Variants in NCAM1 observed in about 807,000 individuals in gnomAD.
NCAM1 encodes antigen recognized by monoclonal antibody 5.1H11.
In NCAM1, 14 loss-of-function variants were observed where a neutral mutation model predicts 109.8. The observed-to-expected ratio is 0.13, with a 90% CI of 0.08 to 0.20. The LOEUF (loss-of-function observed/expected upper bound fraction) is 0.20. NCAM1 is among the 10% of genes least tolerant of loss of function. The probability of loss-of-function intolerance (pLI) is 1.00; values close to 1 mark genes in which losing one functional copy is unlikely to be tolerated. For synonymous variants in NCAM1, 418 were observed against 442.9 expected, an observed-to-expected ratio of 0.94 and a Z score of 0.70; for missense variants, 774 against 1,109.9, an observed-to-expected ratio of 0.70 and a Z score of 4.30.
chr11:113,176,219 A>G (rs978610938), intron 1 of NCAM1, among the ~76,000 whole-genome samples: 7 of 152,184 alleles, frequency 4.6e-5, no homozygotes, highest in Non-Finnish European at 8.8e-5. Context: ...CCCCTGATCT[A>G]TGCCAGGAAT....
intron 1 of NCAM1, among the ~76,000 whole-genome samples, chr11:113,009,312 G>GTTTTTTTGTTGTTGTTTTTTTT (rs1555073910): frequency 5.0e-5 from 4 of 79,656 alleles, no homozygotes; most frequent in South Asian, 5.9e-4. Context: ...GTTTTTTCGG[G>GTTTTTTTGTTGTTGTTTTTTTT]TTTTTTTTTT....
chr11:113,149,587 A>C (rs1348643858), intron 1 of NCAM1, among the ~76,000 whole-genome samples: 5 of 152,214 alleles, frequency 3.3e-5, no homozygotes, highest in African/African-American at 1.2e-4. Context: ...CAAGATCTCC[A>C]CAATTTCTAT....
At chr11:113,214,772 G>A (rs1944482221) in intron 8 of NCAM1, among the ~76,000 whole-genome samples, 1 of 152,178 alleles carries the variant, frequency 6.6e-6, no homozygotes, top group Non-Finnish European at 1.5e-5. Context: ...TTCTGGGGAG[G>A]AGGCAATGGT....
At chr11:113,257,008 A>G (rs1218638527) in intron 16 of NCAM1, among the ~76,000 whole-genome samples, 1 of 152,228 alleles carries the variant, frequency 6.6e-6, no homozygotes, top group African/African-American at 2.4e-5. Context: ...TCTTCTGGCA[A>G]GTCAGTTCAG....
chr11:113,067,597 G>A (rs1938028352), intron 1 of NCAM1, among the ~76,000 whole-genome samples: 1 of 152,192 alleles, frequency 6.6e-6, no homozygotes, highest in Non-Finnish European at 1.5e-5. Flanking sequence ...CCTGGCATTT[G>A]AGATTGTGAT....
intron 1 of NCAM1, among the ~76,000 whole-genome samples, chr11:113,185,950 C>A (rs17115088): frequency 0.064 from 9,761 of 152,286 alleles, 643 homozygotes; most frequent in African/African-American, 0.16. Context: ...AACCAGATAA[C>A]CTGCCCCTGG....
At chr11:113,095,212 T>C (rs527787820) in intron 1 of NCAM1, among the ~76,000 whole-genome samples, 1 of 152,296 alleles carries the variant, frequency 6.6e-6, no homozygotes, top group East Asian at 1.9e-4. Context: ...TAAGTACTCA[T>C]GAGGGATTTG....
At chr11:113,159,512 T>C (rs1942527173) in intron 1 of NCAM1, among the ~76,000 whole-genome samples, 1 of 152,190 alleles carries the variant, frequency 6.6e-6, no homozygotes, top group Non-Finnish European at 1.5e-5. Flanking sequence ...TGAAACTTAC[T>C]AGATATTGTG....
intron 1 of NCAM1, among the ~76,000 whole-genome samples, chr11:113,051,247 A>G (rs1335961607): frequency 6.6e-6 from 1 of 152,234 alleles, no homozygotes; most frequent in Non-Finnish European, 1.5e-5. Flanking sequence ...TAAGTTTGTA[A>G]TGCACTTAAG....
intron 1 of NCAM1, among the ~76,000 whole-genome samples, chr11:112,989,016 G>A (rs764806841): frequency 3.9e-5 from 6 of 152,060 alleles, no homozygotes; most frequent in Non-Finnish European, 8.8e-5. Flanking sequence ...CCAAAGTTTT[G>A]GGATTACAGA....
rs189595902 is a variant in NCAM1 at position 113,033,515 on chromosome 11, T to C, written c.52+71851T>C. On this transcript the variant is annotated intron_variant, in intron 1 of 19. Coordinates refer to ENST00000316851, the MANE Select transcript of NCAM1 (RefSeq NM_181351.5). ...CCTAAATTAGATACTGGGTTAATTTTTTCTTCAGTAGAAGTGGAAACACAT... is the reference window on the plus strand; with the variant it reads ...CCTAAATTAGATACTGGGTTAATTTCTTCTTCAGTAGAAGTGGAAACACAT... Among the ~76,000 whole-genome samples the C allele has an allele frequency of 2.0e-3, 300 of 152,288 alleles. 1 individual carries two copies. The highest frequency in any genetic ancestry group is 6.0e-3 in the South Asian group (29 of 4,834).
intron 1 of NCAM1, among the ~76,000 whole-genome samples, chr11:112,972,236 A>C (rs946544030): frequency 1.3e-5 from 2 of 152,104 alleles, no homozygotes; most frequent in East Asian, 1.9e-4. Flanking sequence ...TGAATGGAGG[A>C]ATCCCAGTTA....
chr11:113,270,452 C>T, intron 18 of NCAM1, 57 bp downstream of exon 18: 2 of 1,532,642 alleles, frequency 1.3e-6, no homozygotes, highest in Non-Finnish European at 1.8e-6. Context: ...GCCCAGGGAC[C>T]CAGCAGCTGC....
chr11:113,014,623 G>A (rs1389486777), intron 1 of NCAM1, among the ~76,000 whole-genome samples: 1 of 152,220 alleles, frequency 6.6e-6, no homozygotes, highest in Non-Finnish European at 1.5e-5. Flanking sequence ...CATAAGAGAA[G>A]TAGTTTGGGG....
intron 1 of NCAM1, among the ~76,000 whole-genome samples, chr11:113,021,379 A>G (rs1342917698): frequency 6.6e-6 from 1 of 152,208 alleles, no homozygotes; most frequent in Non-Finnish European, 1.5e-5. Context: ...TGGAGAAGAC[A>G]TTATATAAAT....
intron 1 of NCAM1, among the ~76,000 whole-genome samples, chr11:113,076,826 GC>G (rs1938548932): frequency 1.3e-5 from 2 of 152,094 alleles, no homozygotes; most frequent in Non-Finnish European, 2.9e-5. Flanking sequence ...TTATATATTT[GC>G]ATTTAATACT....
chr11:113,118,677 G>A (rs1181612908), intron 1 of NCAM1, among the ~76,000 whole-genome samples: 3 of 151,914 alleles, frequency 2.0e-5, no homozygotes, highest in African/African-American at 7.3e-5. Flanking sequence ...AAAAGTTTCG[G>A]TGAATAGAAT....
intron 1 of NCAM1, among the ~76,000 whole-genome samples, chr11:113,046,414 G>T (rs1358838320): frequency 6.6e-6 from 1 of 152,102 alleles, no homozygotes; most frequent in African/African-American, 2.4e-5. Flanking sequence ...AAACAGCACT[G>T]GCCTAAGGCA....
intron 14 of NCAM1, chr11:113,240,533 G>A (rs559179321): frequency 3.9e-6 from 2 of 511,034 alleles, no homozygotes; most frequent in African/African-American, 1.9e-5. Context: ...GGCTTGTGCA[G>A]CTGTTCCTGG....
Sources: allele counts gnomAD v4.1 joint callset (sites outside exome capture counted in the v4.1 genomes callset), GRCh38; gene constraint gnomAD v4.1.1; transcripts MANE v1.5; gene names NCBI Gene and HGNC (gene_info 2026-07-23, HGNC 2026-07-21).